The following CYBA variants were observed in gnomAD, a reference collection of about 807,000 sequenced individuals.
CYBA encodes cytochrome b-245 alpha chain, also known as cytochrome b-245 light chain.
CYBA carries 21 observed loss-of-function variants against 20.8 expected under a neutral mutation model. The ratio of observed to expected loss-of-function variants is 1.01; its 90% CI spans 0.72 to 1.46. The LOEUF (loss-of-function observed/expected upper bound fraction) is 1.46, where lower values mean the gene tolerates loss of function less well. Among genes scored for constraint, CYBA ranks in the 40% most tolerant of loss-of-function variants. The pLI is 0.00. For synonymous variants in CYBA, 164 were observed against 127.5 expected (o/e 1.29, Z -1.93); for missense variants, 344 against 287.0 (o/e 1.20, Z -1.43).
At chr16:88,645,886 G>A (rs753893734) in intron 5 of CYBA, 6 of 589,132 alleles carry the variant, frequency 1.0e-5, no homozygotes, top group African/African-American at 1.9e-5. Context: ...GCTGTGGTGC[G>A]GGTTAATGAG....
rs1351196745 is a variant in CYBA at position 88,647,132 on chromosome 16, T to G, written c.172A>C (p.Lys58Gln). ...FVCLLEYPRG[K>Q]RKKGSTMERW... ...TCCATGGTGGAGCCCTTCTTCCTCT[T>G]CCCCCGGGGGTACTCCAGCAGGCAC... Residue 58 changes from lysine (K) to glutamine (Q), a missense_variant, in exon 3 of 6, where the codon AAG becomes CAG. Physicochemically the swap from Lys to Gln is moderately conservative, Grantham distance 53. Coordinates refer to ENST00000261623, the MANE Select transcript of CYBA (RefSeq NM_000101.4). 1.2e-6 allele frequency: 2 copies of G among 1,609,242 alleles called. No homozygotes were observed. Among genetic ancestry groups the G allele is most frequent in the Non-Finnish European group, 1.7e-6 (2 of 1,179,448 alleles).
intron 5 of CYBA, chr16:88,645,073 C>A: frequency 1.5e-6 from 1 of 661,980 alleles, no homozygotes; most frequent in Non-Finnish European, 2.8e-6. Flanking sequence ...CAGCTGAGCC[C>A]GGCAGGGTGA....
intron 1 of CYBA, chr16:88,650,356 G>C: frequency 4.4e-6 from 2 of 456,676 alleles, no homozygotes; most frequent in Non-Finnish European, 4.4e-6. Flanking sequence ...ACAGGAGGGT[G>C]ACTGGGGGCT....
At chr16:88,650,833 C>A in intron 1 of CYBA, 123 bp downstream of exon 1, 1 of 1,131,870 alleles carries the variant, frequency 8.8e-7, no homozygotes, top group Non-Finnish European at 1.3e-6. Context: ...CTGGCCTGAC[C>A]CCGGCCCGGC....
In CYBA at chr16:88,648,036, G is replaced by T; in HGVS notation, c.128+9C>A. On this transcript the variant is annotated intron_variant, in intron 2 of 5. Coordinates refer to ENST00000261623, the MANE Select transcript of CYBA (RefSeq NM_000101.4). ...TCCCCGCCCACCCCAGCCTCAGGTG[G>T]AAGGATACATGGAGTAGGCACCAAA... 1 of 1,611,332 alleles carries T rather than the reference G, an allele frequency of 6.2e-7. No homozygotes were observed.
chr16:88,648,022 C>T (rs1907350789), intron 2 of CYBA, 23 bp downstream of exon 2: 1 of 1,608,188 alleles, frequency 6.2e-7, no homozygotes, highest in South Asian at 1.1e-5. Context: ...CCCCGCCCAC[C>T]CCAGCCTCAG....
chr16:88,649,257 A>C (rs1344831051), intron 1 of CYBA, among the ~76,000 whole-genome samples: 1 of 152,186 alleles, frequency 6.6e-6, no homozygotes, highest in African/African-American at 2.4e-5. Context: ...TTTTGTCTCC[A>C]CATGGTCTTG....
chr16:88,647,290 C>A, intron 2 of CYBA, 115 bp from the exon 3 acceptor site: 1 of 1,033,724 alleles, frequency 9.7e-7, no homozygotes, highest in Non-Finnish European at 1.5e-6. Flanking sequence ...GCCTGGAATC[C>A]CAGCATTTTG....
chr16:88,646,030 C>G lies in CYBA; in HGVS notation c.369+86G>C, dbSNP rs1282015992. ...GCCTTGGCTCAGCCTACAGAGCCGGCTTCAAGGGCCATGCGTGTCCGAGGG... is the reference window on the plus strand; with the variant it reads ...GCCTTGGCTCAGCCTACAGAGCCGGGTTCAAGGGCCATGCGTGTCCGAGGG... On this transcript the variant is annotated intron_variant, in intron 5 of 5. Transcript: ENST00000261623. 8 of 1,167,576 alleles carry G rather than the reference C, an allele frequency of 6.9e-6. No homozygotes were observed. The Admixed American group carries it at 1.4e-4, about 20-fold the overall frequency. 72.3% of individuals were successfully genotyped at this position (1,167,576 alleles called of 1,614,324 possible).
intron 1 of CYBA, among the ~76,000 whole-genome samples, chr16:88,648,786 T>A (rs1050653595): frequency 6.6e-6 from 1 of 150,686 alleles, no homozygotes; most frequent in African/African-American, 2.4e-5. Flanking sequence ...CCCAGCTAAT[T>A]TTTACATTTT....
At position 88,647,996 on chromosome 16, in the gene CYBA, C is replaced by A. The variant is rs572754164; in HGVS notation, c.128+49G>T. The A allele has an allele frequency of 1.9e-6, 3 of 1,557,174 alleles. No individual in the cohort carries two copies. The African/African-American group carries it at 4.1e-5, about 21-fold the overall frequency. ...AGCTCACTGTGAAGTGGCTCCCCAG[C>A]TCTGCCCTGGGCGTTCCCCGCCCAC... is the stretch of plus-strand genomic sequence containing the variant. On this transcript the variant is annotated intron_variant, in intron 2 of 5. Transcript: ENST00000261623.
At chr16:88,649,722 G>A (rs1597373676) in intron 1 of CYBA, among the ~76,000 whole-genome samples, 1 of 152,254 alleles carries the variant, frequency 6.6e-6, no homozygotes, top group Non-Finnish European at 1.5e-5. Context: ...ACGGCAGCTG[G>A]AGGAGGGGGC....
At chr16:88,650,097 G>C (rs1472377423) in intron 1 of CYBA, among the ~76,000 whole-genome samples, 2 of 152,136 alleles carry the variant, frequency 1.3e-5, no homozygotes, top group Non-Finnish European at 2.9e-5. Context: ...CAACAGGGAG[G>C]GCGCTCAGAG....
rs540259183 is a variant in CYBA, at chr16:88,651,021, C to G, written c.-8G>C. The G allele has an allele frequency of 1.3e-6, 2 of 1,592,426 alleles. No individual in the cohort carries two copies. Among genetic ancestry groups the G allele is most frequent in the African/African-American group, 1.3e-5 (1 of 74,330 alleles). ...CCACTCGATCTGCCCCATGGCGACA[C>G]GAACCCGGCTGGGACACTGCTAGGC... On this transcript the variant is annotated 5_prime_UTR_variant, in exon 1 of 6. Transcript: ENST00000261623.
rs867515217 is a variant in CYBA at position 88,646,179 on chromosome 16, G to T, written c.306C>A (p.Gly102=). The T allele has an allele frequency of 6.4e-7, 1 of 1,557,026 alleles. No individual in the cohort carries two copies. The change falls in exon 5 of 6, where the codon GGC becomes GGA. Residue 102 remains glycine (G), a synonymous_variant. Transcript: ENST00000261623. ...TCCCAAGGATGGTGGCCAGCAGGAA[G>T]CCGGCGGGCACCGAGAGCCTGGGGG... ...VLHLLLSVPA[G]FLLATILGTA...
Position 88,646,803 on chromosome 16 carries a change from A to T in CYBA, c.239T>A (p.Phe80Tyr), listed in dbSNP as rs1907302439. 1.2e-6 allele frequency: 2 copies of T among 1,613,838 alleles called. No homozygotes were observed. The highest frequency in any genetic ancestry group is 1.7e-6 in the Non-Finnish European group (2 of 1,179,994). Reference sequence around the variant, plus strand: ...ATAGTAATTCCTGGTAAAGGGCCCGAACAGCTTCACCACGGCGGTCATGTA... The same window carrying T: ...ATAGTAATTCCTGGTAAAGGGCCCGTACAGCTTCACCACGGCGGTCATGTA... ...QKYMTAVVKLFGPFTRNYYVR... is the reference protein window; with the variant it reads ...QKYMTAVVKLYGPFTRNYYVR... Residue 80 changes from phenylalanine to tyrosine, a missense_variant, in exon 4 of 6, where the codon TTC becomes TAC. Phe to Tyr is a conservative substitution (Grantham distance 22, BLOSUM62 3). Transcript: ENST00000261623.
chr16:88,643,632 C>A lies in CYBA; in HGVS notation c.370-61G>T, dbSNP rs1327756716. 1.4e-6 allele frequency: 2 copies of A among 1,433,568 alleles called. No individual in the cohort carries two copies. The highest frequency in any genetic ancestry group is 1.9e-6 in the Non-Finnish European group (2 of 1,059,126). The allele number at this position is 1,433,568 out of a possible 1,614,324, so 88.8% of individuals were successfully genotyped here. A position where few individuals can be genotyped will look rare whatever the true frequency, so the allele number is the denominator to read the frequency against. ...GCCCGCCCTCCCTCCCTCCCTCCCT[C>A]CCCGGAGGCCCACCCCGCTAGGGGC... On this transcript the variant is annotated intron_variant, in intron 5 of 5. Transcript: ENST00000261623. The surrounding 1 kb of genome is among the most constrained non-coding windows in gnomAD (Gnocchi z 4.3).
chr16:88,648,767 G>A (rs1391246548), intron 1 of CYBA, among the ~76,000 whole-genome samples: 3 of 151,222 alleles, frequency 2.0e-5, no homozygotes, highest in South Asian at 2.1e-4. Flanking sequence ...ACAGGCGCCC[G>A]CCACCATGCC....
At position 88,643,363 on chromosome 16, in the gene CYBA, T is replaced by A; in HGVS notation, c.578A>T (p.Glu193Val). ...AGGTCCGGGGCGAGGTCACACGACC[T>A]CGTCGGTCACCGGGATGGGGTTGAC... is the stretch of plus-strand genomic sequence containing the variant. ...PQVNPIPVTD[E>V]VV The change falls in exon 6 of 6, where the codon GAG (glutamate) becomes GTG (valine). Residue 193 changes from glutamate to valine, a missense_variant. Coordinates refer to ENST00000261623, the MANE Select transcript of CYBA (RefSeq NM_000101.4). The surrounding 1 kb of genome is among the most constrained non-coding windows in gnomAD (Gnocchi z 4.3). 1 of 1,526,866 alleles carries A rather than the reference T, an allele frequency of 6.5e-7. No homozygotes were observed. Among genetic ancestry groups the A allele is most frequent in the Non-Finnish European group, 8.8e-7 (1 of 1,139,580 alleles). 94.6% of individuals were successfully genotyped at this position (1,526,866 alleles called of 1,614,324 possible). A position where few individuals can be genotyped will look rare whatever the true frequency, so the allele number is the denominator to read the frequency against.
Sources: gnomAD v4.1 joint callset for allele counts (sites outside exome capture counted in the v4.1 genomes callset) on GRCh38, gnomAD v4.1.1 for gene constraint, Gnocchi (gnomAD v3.1) non-coding constraint, MANE v1.5 for transcripts, NCBI Gene and HGNC (gene_info 2026-07-23, HGNC 2026-07-21) for gene names.